SEMA5A: variants seen among roughly 807,000 people sequenced by gnomAD.
SEMA5A encodes the protein semaphorin 5A, also known as semaphorin-5A.
SEMA5A carries 55 observed loss-of-function variants against 135.5 expected under a neutral mutation model. The ratio of observed to expected loss-of-function variants is 0.41; its 90% CI spans 0.33 to 0.51. The LOEUF is 0.51. Among genes scored for constraint, SEMA5A ranks in the 20% least tolerant of loss-of-function variants. The probability of loss-of-function intolerance (pLI) is 0.37; values close to 1 mark genes in which losing one functional copy is unlikely to be tolerated. For missense variants in SEMA5A, 1,290 were observed against 1,419.9 expected (o/e 0.91, Z 1.47); for synonymous variants, 580 against 546.5 (o/e 1.06, Z -0.85).
chr5:9,515,207 C>T (rs1030002801), intron 1 of SEMA5A, among the ~76,000 whole-genome samples: 2 of 152,124 alleles, frequency 1.3e-5, no homozygotes, highest in African/African-American at 2.4e-5. Flanking sequence ...TGACTGATGG[C>T]CACTGCCCAG....
At chr5:9,458,126 C>T (rs996182777) in intron 1 of SEMA5A, among the ~76,000 whole-genome samples, 2 of 152,034 alleles carry the variant, frequency 1.3e-5, no homozygotes, top group Middle Eastern at 3.4e-3. Context: ...CCAGGATGGT[C>T]TCGATCTCCT....
intron 5 of SEMA5A, 96 bp from the exon 6 acceptor site, chr5:9,237,986 A>C: frequency 9.5e-7 from 1 of 1,057,692 alleles, no homozygotes; most frequent in Non-Finnish European, 1.4e-6. Context: ...CAGATTAGGA[A>C]ATATGGCTGC....
intron 1 of SEMA5A, among the ~76,000 whole-genome samples, chr5:9,483,198 C>A (rs947881718): frequency 1.3e-5 from 2 of 152,134 alleles, no homozygotes; most frequent in Non-Finnish European, 2.9e-5. Context: ...TTTTCTCTCC[C>A]ATAATGTTCT....
Position 9,311,294 on chromosome 5 carries a change from G to A in SEMA5A, c.270+7078C>T, listed in dbSNP as rs542077679. Among the ~76,000 whole-genome samples, 135 of 151,976 alleles carry A rather than the reference G, an allele frequency of 8.9e-4. No individual in the cohort carries two copies. In the Middle Eastern group the frequency reaches 0.01, roughly 11 times the overall value. On this transcript the variant is annotated intron_variant, in intron 5 of 22. Transcript: ENST00000382496. ...AATATTCCCAGAAGGTGAAATTGTCGGAAGTTGAGAACTTCTAGTCTAAAA... is the reference window on the plus strand; with the variant it reads ...AATATTCCCAGAAGGTGAAATTGTCAGAAGTTGAGAACTTCTAGTCTAAAA...
chr5:9,273,872 C>T (rs544907629), intron 5 of SEMA5A, among the ~76,000 whole-genome samples: 121 of 152,206 alleles, frequency 7.9e-4, no homozygotes, highest in African/African-American at 2.7e-3. Context: ...CCAGTACCAG[C>T]CACTGCAAAA....
Position 9,039,257 on chromosome 5 carries a change from A to G in SEMA5A, c.*3640T>C, listed in dbSNP as rs558595689. On this transcript the variant is annotated 3_prime_UTR_variant, in exon 23 of 23. Transcript: ENST00000382496. The stretch of plus-strand genomic sequence containing the variant: ...GGGCAACCGTTTCCGGGAACTGTCC[A>G]TAGCACTTGCTGGGGTGACCAGGTC... 333 of 152,454 alleles carry G rather than the reference A, an allele frequency of 2.2e-3. No homozygotes were observed. Among genetic ancestry groups the G allele is most frequent in the African/African-American group, 7.5e-3 (311 of 41,588 alleles). 9.4% of individuals were successfully genotyped at this position (152,454 alleles called of 1,614,324 possible).
intron 5 of SEMA5A, among the ~76,000 whole-genome samples, chr5:9,244,255 C>G (rs370935008): frequency 6.6e-6 from 1 of 152,160 alleles, no homozygotes; most frequent in Non-Finnish European, 1.5e-5. Context: ...TAAGCCCTAC[C>G]GGGGCTTCCC....
intron 5 of SEMA5A, among the ~76,000 whole-genome samples, chr5:9,276,625 T>C (rs1750277566): frequency 6.6e-6 from 1 of 152,020 alleles, no homozygotes; most frequent in Non-Finnish European, 1.5e-5. Context: ...TATATACCAA[T>C]GGAACAGAAC....
intron 4 of SEMA5A, among the ~76,000 whole-genome samples, chr5:9,325,196 C>G (rs888779500): frequency 2.7e-5 from 4 of 150,230 alleles, no homozygotes; most frequent in African/African-American, 9.8e-5. Flanking sequence ...ATGGCTATAG[C>G]AAATAAAAAC....
At chr5:9,241,899 T>G (rs1462654688) in intron 5 of SEMA5A, among the ~76,000 whole-genome samples, 1 of 152,162 alleles carries the variant, frequency 6.6e-6, no homozygotes, top group Non-Finnish European at 1.5e-5. Context: ...TTCATAAAAA[T>G]GAAGAGAACA....
intron 2 of SEMA5A, among the ~76,000 whole-genome samples, chr5:9,387,057 C>T (rs568738275): frequency 1.3e-5 from 2 of 152,324 alleles, no homozygotes; most frequent in South Asian, 2.1e-4. Context: ...AGAGATTAAA[C>T]AGTGCATGTG....
chr5:9,035,279 G>A lies in SEMA5A; in HGVS notation c.*7618C>T, dbSNP rs1735586233. On this transcript the variant is annotated 3_prime_UTR_variant, in exon 23 of 23. Coordinates refer to ENST00000382496, the MANE Select transcript of SEMA5A (RefSeq NM_003966.3). ...ATGCTTTTTCATAAAGATGAATAGG[G>A]TTGAGATACAGAAACTGTCAATGCA... 1 of 152,110 alleles carries A rather than the reference G, an allele frequency of 6.6e-6. No homozygotes were observed. Among genetic ancestry groups the A allele is most frequent in the Non-Finnish European group, 1.5e-5 (1 of 68,030 alleles). The allele number at this position is 152,110 out of a possible 1,614,324, so 9.4% of individuals were successfully genotyped here. A position where few individuals can be genotyped will look rare whatever the true frequency, so the allele number is the denominator to read the frequency against.
At chr5:9,499,652 T>C (rs1289462795) in intron 1 of SEMA5A, among the ~76,000 whole-genome samples, 1 of 152,212 alleles carries the variant, frequency 6.6e-6, no homozygotes, top group Admixed American at 6.5e-5. Flanking sequence ...AAATGGACAG[T>C]TCAGTTCTTT....
rs760296661 is a variant in SEMA5A at position 9,137,672 on chromosome 5, AG to A, written c.1482-1052del. ...GGCAGGATAGTACTTACAGTGAGGG[AG>A]GTCCTGTTACAAACTAGTCAAGGAC... On this transcript the variant is annotated intron_variant, in intron 12 of 22. Coordinates refer to ENST00000382496, the MANE Select transcript of SEMA5A (RefSeq NM_003966.3). Among the ~76,000 whole-genome samples, 16 of 152,320 alleles carry A rather than the reference AG, an allele frequency of 1.1e-4. No homozygotes were observed. In the South Asian group the frequency reaches 1.9e-3, roughly 18 times the overall value.
intron 18 of SEMA5A, among the ~76,000 whole-genome samples, chr5:9,057,967 A>G (rs1441353593): frequency 6.6e-6 from 1 of 152,224 alleles, no homozygotes; most frequent in African/African-American, 2.4e-5. Context: ...TTCAGAACAC[A>G]GATCTTAATG....
chr5:9,340,795 G>C (rs981294581), intron 3 of SEMA5A, among the ~76,000 whole-genome samples: 1 of 151,968 alleles, frequency 6.6e-6, no homozygotes, highest in African/African-American at 2.4e-5. Flanking sequence ...TATTACATTG[G>C]CTTCTATCTC....
At chr5:9,489,024 C>T (rs1052653030) in intron 1 of SEMA5A, among the ~76,000 whole-genome samples, 5 of 152,164 alleles carry the variant, frequency 3.3e-5, no homozygotes, top group Admixed American at 1.3e-4. Flanking sequence ...AATCACTTAA[C>T]ATTTTCATGA....
At chr5:9,500,910 G>A (rs1267278789) in intron 1 of SEMA5A, among the ~76,000 whole-genome samples, 1 of 152,098 alleles carries the variant, frequency 6.6e-6, no homozygotes, top group African/African-American at 2.4e-5. Flanking sequence ...GGCGTTGACT[G>A]TATGAGAATC....
intron 3 of SEMA5A, among the ~76,000 whole-genome samples, chr5:9,367,049 G>C (rs895196745): frequency 6.6e-6 from 1 of 152,166 alleles, no homozygotes; most frequent in Admixed American, 6.5e-5. Context: ...TCTCTGAGCA[G>C]AACAGCCTAC....
Sources: allele counts gnomAD v4.1 joint callset (sites outside exome capture counted in the v4.1 genomes callset), GRCh38; gene constraint gnomAD v4.1.1; transcripts MANE v1.5; gene names NCBI Gene and HGNC (gene_info 2026-07-23, HGNC 2026-07-21).